ITGA10: variants seen among roughly 807,000 people sequenced by gnomAD.
ITGA10 encodes the protein integrin subunit alpha 10, also known as integrin alpha-10.
Under a neutral mutation model 145.2 loss-of-function variants are expected in ITGA10, and 105 were observed. That is an observed-to-expected ratio of 0.72 (90% confidence interval 0.62 to 0.85). The LOEUF (loss-of-function observed/expected upper bound fraction) is 0.85. ITGA10 is among the 40% of genes least tolerant of loss of function. ITGA10 has a pLI of 0.00. For synonymous variants in ITGA10, 506 were observed against 557.8 expected (o/e 0.91, Z 1.31); for missense variants, 1,317 against 1,444.5 (o/e 0.91, Z 1.43).
chr1:145,906,296 T>C, intron 5 of ITGA10, 98 bp downstream of exon 5: 1 of 859,622 alleles, frequency 1.2e-6, no homozygotes, highest in Admixed American at 1.9e-5. Flanking sequence ...AGGATAGCCA[T>C]GCAGGCCCTT....
Position 145,900,761 on chromosome 1 carries a change from T to C in ITGA10, c.1791+29A>G, listed in dbSNP as rs16826985. ...CCCCCTATTCCTCTTCCTACAACCG[T>C]GCCCCTGCTTTATTTGGGTACTCCT... On this transcript the variant is annotated intron_variant, in intron 14 of 29. Transcript: ENST00000369304. 5.1e-3 allele frequency: 8,167 copies of C among 1,608,206 alleles called. 394 individuals are homozygous for C. In the African/African-American group the frequency reaches 0.098, roughly 19 times the overall value.
In ITGA10 at chr1:145,896,072, C is replaced by G; in HGVS notation, c.2944G>C (p.Val982Leu). The change falls in exon 25 of 30, where the codon GTC becomes CTC. Residue 982 changes from valine to leucine, a missense_variant. Val to Leu is a conservative substitution (Grantham distance 32). Transcript: ENST00000369304. ...LRVQNLGCYV[V>L]SGLIISALLP... is the part of the protein sequence containing the mutation. ...AGGGCTGAGATGATGAGGCCACTGA[C>G]CACATAGCAGCCTAGGTTCTGAACC... The G allele has an allele frequency of 6.2e-7, 1 of 1,614,166 alleles. No homozygotes were observed. The highest frequency in any genetic ancestry group is 8.5e-7 in the Non-Finnish European group (1 of 1,180,010).
rs781882789 is a variant in ITGA10 at position 145,900,089 on chromosome 1, A to T, written c.1890T>A (p.Ala630=). 8 of 1,613,876 alleles carry T rather than the reference A, an allele frequency of 5.0e-6. No homozygotes were observed. The highest frequency in any genetic ancestry group is 1.7e-5 in the Admixed American group (1 of 59,966). ...DLDGDDLVDV[A]VGAQGAAILL... is the part of the protein sequence containing the mutation. ...GGATGGCTGCCCCCTGGGCACCCAC[A>T]GCCACATCGACCAGATCATCTCCAT... Residue 630 remains alanine, a synonymous_variant, in exon 15 of 30, where the codon GCT becomes GCA. Transcript: ENST00000369304.
In ITGA10 at chr1:145,901,754, G is replaced by T; in HGVS notation, c.1295-90C>A. 6.5e-7 allele frequency: 1 copy of T among 1,541,690 alleles called. No individual in the cohort carries two copies. Among genetic ancestry groups the T allele is most frequent in the South Asian group, 1.2e-5 (1 of 80,078 alleles). On this transcript the variant is annotated intron_variant, in intron 11 of 29. Transcript: ENST00000369304. The surrounding 1 kb of genome is among the most constrained non-coding windows in gnomAD (Gnocchi z 4.3). ...CTAAAGGCATAGCAGGAGGTCCCAA[G>T]GGAAGTAACCAGAGGTCAGTGAGAA...
Position 145,907,041 on chromosome 1 carries a change from C to G in ITGA10, c.274G>C (p.Gly92Arg). The stretch of plus-strand genomic sequence containing the variant: ...GGAGAAGGGTCAGGCATCTTCTCAC[C>G]TAAGTGGCCCTTGGCACATGGGGCA... The part of the protein sequence containing the change: ...HNAPCAKGHL[G>R]DYQLGNSSHP... Residue 92 changes from glycine (G) to arginine (R), a missense_variant and splice_region_variant, in exon 3 of 30, where the codon GGT becomes CGT. Physicochemically the swap from Gly to Arg is moderately radical, Grantham distance 125. Coordinates refer to ENST00000369304, the MANE Select transcript of ITGA10 (RefSeq NM_003637.5). 1 of 1,543,200 alleles carries G rather than the reference C, an allele frequency of 6.5e-7. No individual in the cohort carries two copies. The highest frequency in any genetic ancestry group is 1.2e-5 in the South Asian group (1 of 83,182).
Position 145,910,018 on chromosome 1 carries a change from T to C in ITGA10, c.-4A>G. On this transcript the variant is annotated 5_prime_UTR_variant, in exon 1 of 30. Transcript: ENST00000369304. ...GAGTGACGAAGGGGAGTTCCATGCC[T>C]GATCGGTTTCTGTCCAGTATGAGAA... 1 of 1,612,490 alleles carries C rather than the reference T, an allele frequency of 6.2e-7. No homozygotes were observed. The highest frequency in any genetic ancestry group is 1.1e-5 in the South Asian group (1 of 91,054).
chr1:145,895,854 G>C, intron 25 of ITGA10, 129 bp downstream of exon 25: 1 of 1,022,476 alleles, frequency 9.8e-7, no homozygotes, highest in Non-Finnish European at 1.5e-6. Context: ...TGTGTAAAAA[G>C]AAAGCCCCCC....
intron 7 of ITGA10, 135 bp from the exon 8 acceptor site, chr1:145,903,096 C>T: frequency 1.2e-6 from 1 of 847,854 alleles, no homozygotes; most frequent in Non-Finnish European, 1.8e-6. Flanking sequence ...TCCCTGAGGT[C>T]AGGCATCTTG....
chr1:145,900,264 T>TTTAA (rs1656088040), intron 14 of ITGA10, 77 bp from the exon 15 acceptor site: 2 of 1,353,414 alleles, frequency 1.5e-6, no homozygotes, highest in Non-Finnish European at 2.0e-6. Context: ...GCTCTTTCTT[T>TTTAA]TTATTTATTT....
At position 145,902,298 on chromosome 1, in the gene ITGA10, C is replaced by G; in HGVS notation, c.1097G>C (p.Ser366Thr). Reference sequence around the variant, plus strand: ...CTGAGACATTTCCAGCCCAAAGGAGCTTTCGTTTTCTGCATGGGACCCTTG... The same window carrying G: ...CTGAGACATTTCCAGCCCAAAGGAGGTTTCGTTTTCTGCATGGGACCCTTG... The part of the protein sequence containing the change: ...GLEGSHAENE[S>T]SFGLEMSQIG... Residue 366 changes from serine to threonine, a missense_variant, in exon 10 of 30, where the codon AGC (serine) becomes ACC (threonine). Transcript: ENST00000369304. 1 of 1,614,150 alleles carries G rather than the reference C, an allele frequency of 6.2e-7. No homozygotes were observed. Among genetic ancestry groups the G allele is most frequent in the Non-Finnish European group, 8.5e-7 (1 of 1,180,016 alleles).
Position 145,893,546 on chromosome 1 carries a change from C to T in ITGA10, c.3318G>A (p.Trp1106Ter), listed in dbSNP as rs1553743921. The change falls in exon 28 of 30, where the codon TGG becomes TGA. Residue 1106 changes from tryptophan (W) to a stop codon, truncating the protein, a stop_gained. Transcript: ENST00000369304. LOFTEE classifies it high-confidence loss of function. ...ACTCGGTCTCCAGCCCTACCTCACT[C>T]CAACGGGAGGCTTCAGTCAGCTGTA... Reference protein sequence around the residue: ...SVLQLTEASRWSESLLEVVQT... With the variant: ...SVLQLTEASR 6.2e-7 allele frequency: 1 copy of T among 1,610,330 alleles called. No homozygotes were observed. Among genetic ancestry groups the T allele is most frequent in the Non-Finnish European group, 8.5e-7 (1 of 1,178,274 alleles).
chr1:145,906,502 C>A lies in ITGA10; in HGVS notation c.373G>T (p.Ala125Ser). The change falls in exon 5 of 30, where the codon GCC becomes TCC. Residue 125 changes from alanine (A) to serine (S), a missense_variant. By Grantham distance (99) the Ala-to-Ser change is moderately conservative (BLOSUM62 1). Coordinates refer to ENST00000369304, the MANE Select transcript of ITGA10 (RefSeq NM_003637.5). ...CCACAAGCACGAGACCAGAGAGGGG[C>A]ACAGGCCTGGGGATGGGGGAAATAG... is the stretch of plus-strand genomic sequence containing the variant. ...TDGDGGFMACAPLWSRACGSS... is the reference protein window; with the variant it reads ...TDGDGGFMACSPLWSRACGSS... 1.9e-6 allele frequency: 3 copies of A among 1,613,914 alleles called. No homozygotes were observed. Among genetic ancestry groups the A allele is most frequent in the African/African-American group, 1.3e-5 (1 of 75,022 alleles).
chr1:145,904,728 G>C lies in ITGA10; in HGVS notation c.565C>G (p.Arg189Gly), dbSNP rs775794236. Residue 189 changes from arginine (R) to glycine (G), a missense_variant, in exon 6 of 30, where the codon CGA becomes GGA. Arg to Gly is a moderately radical substitution (Grantham distance 125). Coordinates refer to ENST00000369304, the MANE Select transcript of ITGA10 (RefSeq NM_003637.5). ...ATAAACAGTTTCCCTACCAGTCTTCGTAGGAAGGTCTGAACTTCAGACCAG... is the reference window on the plus strand; with the variant it reads ...ATAAACAGTTTCCCTACCAGTCTTCCTAGGAAGGTCTGAACTTCAGACCAG... ...YPWSEVQTFL[R>G]RLVGKLFIDP... 6.2e-7 allele frequency: 1 copy of C among 1,613,882 alleles called. No homozygotes were observed.
Position 145,901,161 on chromosome 1 carries a change from G to A in ITGA10, c.1561C>T (p.Arg521Cys), listed in dbSNP as rs150141083. Residue 521 changes from arginine (R) to cysteine (C), a missense_variant, in exon 13 of 30, where the codon CGT (arginine) becomes TGT (cysteine). By Grantham distance (180) the Arg-to-Cys change is radical. Transcript: ENST00000369304. This position sits in a 1 kb window ranked among gnomAD's most constrained non-coding sequence, Gnocchi z 4.3. ...FLGPQNKETG[R>C]VYVYLVGQQS... ...TGGCCTACCAGATACACATAAACAC[G>A]TCCTGTTTCCTTGTTCTGGGGTCCC... 227 of 1,613,826 alleles carry A rather than the reference G, an allele frequency of 1.4e-4. No homozygotes were observed. Among genetic ancestry groups the A allele is most frequent in the Middle Eastern group, 4.9e-4 (3 of 6,084 alleles).
At chr1:145,909,161 G>A (rs918163472) in intron 1 of ITGA10, among the ~76,000 whole-genome samples, 12 of 151,496 alleles carry the variant, frequency 7.9e-5, no homozygotes, top group Non-Finnish European at 1.6e-4. Context: ...TTAGCCAGGC[G>A]TGGTAGCACA....
In ITGA10 at chr1:145,901,708, G is replaced by A; in HGVS notation, c.1295-44C>T. The A allele has an allele frequency of 6.5e-7, 1 of 1,536,412 alleles. No homozygotes were observed. The highest frequency in any genetic ancestry group is 8.7e-7 in the Non-Finnish European group (1 of 1,143,534). ...ACAGAGGTAAAGGAAAAGAAGATGG[G>A]GTCCAGAGTAGGGGGGTTCCCTAAA... On this transcript the variant is annotated intron_variant, in intron 11 of 29. Transcript: ENST00000369304. This position sits in a 1 kb window ranked among gnomAD's most constrained non-coding sequence, Gnocchi z 4.3.
At chr1:145,902,696 G>A in intron 8 of ITGA10, 77 bp from the exon 9 acceptor site, 3 of 1,539,012 alleles carry the variant, frequency 1.9e-6, no homozygotes, top group East Asian at 4.5e-5. Flanking sequence ...TGTGGCTGAA[G>A]TCTGGGAAGT....
intron 7 of ITGA10, 31 bp from the exon 8 acceptor site, chr1:145,902,992 G>T: frequency 5.4e-6 from 8 of 1,487,024 alleles, no homozygotes; most frequent in Non-Finnish European, 7.3e-6. Context: ...GGTGAGATCA[G>T]ATGTATGCAG....
chr1:145,900,923 A>G lies in ITGA10; in HGVS notation c.1658T>C (p.Met553Thr). 2 of 1,614,164 alleles carry G rather than the reference A, an allele frequency of 1.2e-6. No homozygotes were observed. The highest frequency in any genetic ancestry group is 1.1e-5 in the South Asian group (1 of 91,084). ...TTGGTTCAGATCAGGAAGAGCTCCC[A>G]TGGCAAAGCCAAACCGAGCATCCTG... ...PPQDARFGFA[M>T]GALPDLNQDG... Residue 553 changes from methionine to threonine, a missense_variant, in exon 14 of 30, where the codon ATG (methionine) becomes ACG (threonine). By Grantham distance (81) the Met-to-Thr change is moderately conservative. Transcript: ENST00000369304.
Sources: allele counts gnomAD v4.1 joint callset (sites outside exome capture counted in the v4.1 genomes callset), GRCh38; gene constraint gnomAD v4.1.1; non-coding constraint Gnocchi (gnomAD v3.1); transcripts MANE v1.5; gene names NCBI Gene and HGNC (gene_info 2026-07-23, HGNC 2026-07-21).